The following DLGAP1 variants were observed in gnomAD, a reference collection of about 807,000 sequenced individuals.
DLGAP1 encodes the protein DLG associated protein 1.
DLGAP1 carries 11 observed loss-of-function variants against 90.8 expected under a neutral mutation model. The ratio of observed to expected loss-of-function variants is 0.12; its 90% CI spans 0.08 to 0.20. The LOEUF (loss-of-function observed/expected upper bound fraction) is 0.20. Ranked by LOEUF, DLGAP1 falls within the 10% of genes least tolerant of loss-of-function variation. DLGAP1 has a pLI of 1.00. For missense variants in DLGAP1, 1,050 were observed against 1,333.8 expected, an observed-to-expected ratio of 0.79 and a Z score of 3.31; for synonymous variants, 558 against 540.7, an observed-to-expected ratio of 1.03 and a Z score of -0.44.
chr18:4,242,002 G>C (rs2078544890), intron 1 of DLGAP1, among the ~76,000 whole-genome samples: 1 of 152,084 alleles, frequency 6.6e-6, no homozygotes, highest in Non-Finnish European at 1.5e-5. Flanking sequence ...ATTTATCTGG[G>C]ATGGTCATCT....
chr18:3,647,658 G>A (rs1046153063), intron 7 of DLGAP1, among the ~76,000 whole-genome samples: 1 of 152,058 alleles, frequency 6.6e-6, no homozygotes, highest in African/African-American at 2.4e-5. Flanking sequence ...TAGAGATGGG[G>A]TTTCACCATG....
chr18:4,110,025 GATACACA>G (rs1290972513), intron 2 of DLGAP1, among the ~76,000 whole-genome samples: 7 of 41,840 alleles, frequency 1.7e-4, no homozygotes, highest in East Asian at 4.6e-4. Flanking sequence ...AAAAAAAAAG[GATACACA>G]GATACACAGT....
At chr18:3,524,122 A>G (rs1276466457) in intron 10 of DLGAP1, among the ~76,000 whole-genome samples, 1 of 152,046 alleles carries the variant, frequency 6.6e-6, no homozygotes, top group East Asian at 1.9e-4. Context: ...GAATTTTTAA[A>G]AAATTAGTTG....
At chr18:3,884,134 A>T (rs1347852049) in intron 3 of DLGAP1, among the ~76,000 whole-genome samples, 1 of 152,232 alleles carries the variant, frequency 6.6e-6, no homozygotes, top group African/African-American at 2.4e-5. Flanking sequence ...TATGGTCCTA[A>T]AAGTAGGCTG....
intron 2 of DLGAP1, among the ~76,000 whole-genome samples, chr18:4,049,897 T>C (rs1306734959): frequency 6.6e-6 from 1 of 150,648 alleles, no homozygotes; most frequent in Non-Finnish European, 1.5e-5. Flanking sequence ...TATCTACCTA[T>C]GTATCCATCC....
intron 10 of DLGAP1, 146 bp downstream of exon 10, chr18:3,534,048 C>T (rs1412089604): frequency 2.3e-6 from 2 of 881,522 alleles, no homozygotes; most frequent in South Asian, 1.8e-5. Context: ...GCTGGAATCA[C>T]CTAGCTCTCC....
intron 3 of DLGAP1, chr18:3,962,358 T>C (rs1452988505): frequency 6.6e-6 from 1 of 152,210 alleles, no homozygotes; most frequent in Non-Finnish European, 1.5e-5. Flanking sequence ...CTTGGGAGAA[T>C]TGATCCAATG....
chr18:3,860,755 T>G (rs1226314255), intron 4 of DLGAP1, among the ~76,000 whole-genome samples: 1 of 152,218 alleles, frequency 6.6e-6, no homozygotes, highest in Non-Finnish European at 1.5e-5. Flanking sequence ...GCAGATGGAA[T>G]TAAGTGATTT....
intron 1 of DLGAP1, among the ~76,000 whole-genome samples, chr18:4,439,915 G>A (rs758040901): frequency 6.6e-6 from 1 of 151,602 alleles, no homozygotes; most frequent in South Asian, 2.1e-4. Context: ...TCAGGAGATC[G>A]AGACCATCCT....
chr18:4,104,415 T>C (rs2075827084), intron 2 of DLGAP1, among the ~76,000 whole-genome samples: 1 of 152,138 alleles, frequency 6.6e-6, no homozygotes, highest in Non-Finnish European at 1.5e-5. Context: ...TCCCATACAT[T>C]TATCTGTAAT....
intron 5 of DLGAP1, among the ~76,000 whole-genome samples, chr18:3,781,333 A>T (rs2065180686): frequency 6.6e-6 from 1 of 151,608 alleles, no homozygotes; most frequent in Non-Finnish European, 1.5e-5. Context: ...TAATGGACAG[A>T]AATTGTAGCA....
At chr18:3,656,225 T>A in intron 7 of DLGAP1, 1 of 825,018 alleles carries the variant, frequency 1.2e-6, no homozygotes, top group Non-Finnish European at 1.8e-6. Context: ...CTGCTGGCAT[T>A]GCAAGAACGT....
chr18:3,666,305 G>A (rs1334071245), intron 7 of DLGAP1, among the ~76,000 whole-genome samples: 1 of 152,236 alleles, frequency 6.6e-6, no homozygotes, highest in African/African-American at 2.4e-5. Context: ...AATGCAGGAA[G>A]CTTTCAAAGA....
intron 5 of DLGAP1, among the ~76,000 whole-genome samples, chr18:3,766,040 C>T (rs992936756): frequency 1.3e-5 from 2 of 151,766 alleles, no homozygotes; most frequent in Admixed American, 6.5e-5. Flanking sequence ...CATACGTCAA[C>T]TAAAAGGCAG....
At chr18:4,414,024 C>T (rs1021754700) in intron 1 of DLGAP1, among the ~76,000 whole-genome samples, 3 of 152,210 alleles carry the variant, frequency 2.0e-5, no homozygotes, top group Admixed American at 1.3e-4. Flanking sequence ...ATCCAACAGG[C>T]TGCATTCAAT....
At chr18:4,335,929 T>C (rs953193067) in intron 1 of DLGAP1, among the ~76,000 whole-genome samples, 1 of 152,232 alleles carries the variant, frequency 6.6e-6, no homozygotes, top group African/African-American at 2.4e-5. Flanking sequence ...TGCCATGAAT[T>C]ATTTGTGACA....
In DLGAP1 at chr18:4,152,869, G is replaced by A. The variant is rs147765530; in HGVS notation, c.-266-1582C>T. Among the ~76,000 whole-genome samples the A allele has an allele frequency of 1.6e-3, 248 of 152,290 alleles. 2 individuals carry two copies. The highest frequency in any genetic ancestry group is 5.5e-3 in the African/African-American group (230 of 41,550). ...TATTCCATTAAACCAGACAAGCTCT[G>A]AGTGGACTTTCTTCCCCACATATAT... On this transcript the variant is annotated intron_variant, in intron 1 of 12. Coordinates refer to ENST00000315677, the MANE Select transcript of DLGAP1 (RefSeq NM_004746.4).
At chr18:3,567,964 TCTC>T (rs2054532584) in intron 8 of DLGAP1, among the ~76,000 whole-genome samples, 1 of 151,954 alleles carries the variant, frequency 6.6e-6, no homozygotes, top group Admixed American at 6.6e-5. Context: ...TGTGGTGTGA[TCTC>T]AGCTCACTAC....
intron 2 of DLGAP1, among the ~76,000 whole-genome samples, chr18:4,066,170 T>A (rs7245310): frequency 0.24 from 35,829 of 151,832 alleles, 5,379 homozygotes; most frequent in African/African-American, 0.41. Flanking sequence ...TCAAGATGGA[T>A]TAAGGATTTA....
Sources: gnomAD v4.1 joint callset for allele counts (sites outside exome capture counted in the v4.1 genomes callset) on GRCh38, gnomAD v4.1.1 for gene constraint, MANE v1.5 for transcripts, NCBI Gene and HGNC (gene_info 2026-07-23, HGNC 2026-07-21) for gene names.